The following RBMS3 variants were observed in gnomAD, a reference collection of about 807,000 sequenced individuals.
The protein encoded by RBMS3 is RNA-binding motif, single-stranded-interacting protein 3.
In RBMS3, 27 loss-of-function variants were observed where a neutral mutation model predicts 66.8. The observed-to-expected ratio is 0.40, with a 90% CI of 0.30 to 0.56. The LOEUF is 0.56. Among genes scored for constraint, RBMS3 ranks in the 20% least tolerant of loss-of-function variants. RBMS3 has a pLI of 0.40. For synonymous variants in RBMS3, 188 were observed against 183.0 expected (o/e 1.03, Z -0.22); for missense variants, 513 against 549.5 (o/e 0.93, Z 0.66).
intron 5 of RBMS3, among the ~76,000 whole-genome samples, chr3:29,752,691 C>T (rs560491382): frequency 6.6e-6 from 1 of 152,194 alleles, no homozygotes; most frequent in South Asian, 2.1e-4. Context: ...TCTCCATTTG[C>T]CAGTTTGCAA....
intron 1 of RBMS3, among the ~76,000 whole-genome samples, chr3:29,419,410 T>C (rs955769227): frequency 6.6e-6 from 1 of 152,196 alleles, no homozygotes; most frequent in Non-Finnish European, 1.5e-5. Context: ...TTATCTGTTC[T>C]ATTTTACACA....
At chr3:29,347,934 G>A (rs1026858499) in intron 1 of RBMS3, among the ~76,000 whole-genome samples, 5 of 152,146 alleles carry the variant, frequency 3.3e-5, no homozygotes, top group Admixed American at 1.3e-4. Flanking sequence ...ACTCAATAAA[G>A]TTGGCTATAT....
chr3:29,664,695 C>T (rs1371882678), intron 4 of RBMS3, among the ~76,000 whole-genome samples: 1 of 150,514 alleles, frequency 6.6e-6, no homozygotes, highest in Non-Finnish European at 1.5e-5. Context: ...AAAAAAAGTA[C>T]TTTATTTTTT....
chr3:29,626,733 T>G (rs184491471), intron 4 of RBMS3, among the ~76,000 whole-genome samples: 1 of 152,158 alleles, frequency 6.6e-6, no homozygotes, highest in Non-Finnish European at 1.5e-5. Context: ...TAATAAATAT[T>G]ACAAAGTGTA....
At chr3:29,353,408 C>T (rs75508258) in intron 1 of RBMS3, among the ~76,000 whole-genome samples, 1,578 of 151,784 alleles carry the variant, frequency 0.01, 35 homozygotes, top group African/African-American at 0.035. Context: ...TGCCATTTTG[C>T]GTTAAAGGAG....
At chr3:29,533,540 G>T (rs552520398) in intron 3 of RBMS3, among the ~76,000 whole-genome samples, 7 of 152,014 alleles carry the variant, frequency 4.6e-5, no homozygotes, top group Non-Finnish European at 1.0e-4. Flanking sequence ...TGCTTTGGGA[G>T]GTTTCAGCAG....
intron 11 of RBMS3, among the ~76,000 whole-genome samples, chr3:29,943,302 A>C (rs1293925720): frequency 6.6e-6 from 1 of 151,840 alleles, no homozygotes. Flanking sequence ...AACAATATCA[A>C]GTTTCTTTTA....
intron 6 of RBMS3, among the ~76,000 whole-genome samples, chr3:29,860,134 TA>T (rs1328821811): frequency 6.6e-6 from 1 of 152,188 alleles, no homozygotes; most frequent in Admixed American, 6.5e-5. Context: ...CATTTTTCCA[TA>T]AATATTTTTT....
chr3:29,520,187 C>G (rs1230843221), intron 3 of RBMS3, among the ~76,000 whole-genome samples: 2 of 152,032 alleles, frequency 1.3e-5, no homozygotes, highest in Non-Finnish European at 2.9e-5. Flanking sequence ...TGTGCTTAGT[C>G]CAAACTGAGA....
chr3:29,352,127 A>G (rs1378693948), intron 1 of RBMS3, among the ~76,000 whole-genome samples: 1 of 152,122 alleles, frequency 6.6e-6, no homozygotes, highest in Non-Finnish European at 1.5e-5. Context: ...AGTATTAAAA[A>G]TTATGATTTC....
At chr3:29,700,771 G>A (rs531374407) in intron 4 of RBMS3, among the ~76,000 whole-genome samples, 3 of 151,800 alleles carry the variant, frequency 2.0e-5, no homozygotes, top group Non-Finnish European at 4.4e-5. Flanking sequence ...AAAGCTTAGA[G>A]GTTCAAAAAG....
At chr3:29,287,596 T>A (rs922186301) in intron 1 of RBMS3, among the ~76,000 whole-genome samples, 14 of 152,098 alleles carry the variant, frequency 9.2e-5, no homozygotes, top group African/African-American at 3.4e-4. Context: ...CACAAGGACA[T>A]ACAACTTTTG....
chr3:29,409,477 A>C (rs1014888445), intron 1 of RBMS3, among the ~76,000 whole-genome samples: 1 of 152,224 alleles, frequency 6.6e-6, no homozygotes, highest in Non-Finnish European at 1.5e-5. Flanking sequence ...TATTGTCCCC[A>C]AAGCTTGTCT....
At chr3:29,465,558 C>A (rs1415035156) in intron 2 of RBMS3, among the ~76,000 whole-genome samples, 1 of 113,570 alleles carries the variant, frequency 8.8e-6, no homozygotes, top group African/African-American at 3.3e-5. Flanking sequence ...TTTTTTTTTT[C>A]TGTAAATCTA....
chr3:29,890,659 T>C (rs1366210633), intron 8 of RBMS3, among the ~76,000 whole-genome samples: 3 of 151,598 alleles, frequency 2.0e-5, no homozygotes, highest in Admixed American at 1.3e-4. Context: ...AATGGACATA[T>C]ATACAATTGT....
intron 3 of RBMS3, among the ~76,000 whole-genome samples, chr3:29,563,758 C>T (rs1163158360): frequency 6.6e-6 from 1 of 152,000 alleles, no homozygotes; most frequent in East Asian, 1.9e-4. Context: ...GGCGTGGTGA[C>T]TCATGGCTAT....
At chr3:29,876,965 A>G (rs1332257900) in intron 7 of RBMS3, among the ~76,000 whole-genome samples, 2 of 152,200 alleles carry the variant, frequency 1.3e-5, no homozygotes, top group East Asian at 1.9e-4. Flanking sequence ...GCCTCTCACA[A>G]GAGCAATCCT....
intron 6 of RBMS3, among the ~76,000 whole-genome samples, chr3:29,774,489 A>C (rs749051827): frequency 2.0e-5 from 3 of 152,080 alleles, no homozygotes. Flanking sequence ...ATCTTAGCAA[A>C]GTGTACAAAA....
chr3:29,702,776 G>A (rs12492967), intron 4 of RBMS3, among the ~76,000 whole-genome samples: 1 of 152,106 alleles, frequency 6.6e-6, no homozygotes, highest in African/African-American at 2.4e-5. Context: ...GCGAGACCAC[G>A]AACCCACCAG....
Sources: gnomAD v4.1 joint callset for allele counts (sites outside exome capture counted in the v4.1 genomes callset) on GRCh38, gnomAD v4.1.1 for gene constraint, MANE v1.5 for transcripts, NCBI Gene and HGNC (gene_info 2026-07-23, HGNC 2026-07-21) for gene names.